Variants in THSD4 observed in about 807,000 individuals in gnomAD.
THSD4 encodes the protein thrombospondin type 1 domain containing 4.
Under a neutral mutation model 119.0 loss-of-function variants are expected in THSD4, and 69 were observed. The observed-to-expected ratio is 0.58, with a 90% CI of 0.48 to 0.71. The LOEUF is 0.71. Ranked by LOEUF, THSD4 falls within the 30% of genes least tolerant of loss-of-function variation. THSD4 has a pLI of 0.00. For synonymous variants in THSD4, 524 were observed against 540.4 expected, an observed-to-expected ratio of 0.97 and a Z score of 0.42; for missense variants, 1,393 against 1,391.1, an observed-to-expected ratio of 1.00 and a Z score of -0.02.
At chr15:71,717,474 TAAGAC>T (rs1229636911) in intron 8 of THSD4, among the ~76,000 whole-genome samples, 1 of 150,794 alleles carries the variant, frequency 6.6e-6, no homozygotes, top group Non-Finnish European at 1.5e-5. Context: ...AAGGGAAAAA[TAAGAC>T]AAGACAGGTG....
chr15:71,673,900 G>A (rs2051585086), intron 8 of THSD4, among the ~76,000 whole-genome samples: 1 of 152,150 alleles, frequency 6.6e-6, no homozygotes, highest in Non-Finnish European at 1.5e-5. Context: ...GGGACTACAG[G>A]CGCCCACCAC....
intron 6 of THSD4, among the ~76,000 whole-genome samples, chr15:71,400,140 A>G (rs1264338124): frequency 6.6e-6 from 1 of 152,194 alleles, no homozygotes; most frequent in African/African-American, 2.4e-5. Context: ...TCTAAAGGAC[A>G]TTGCCTTTAG....
chr15:71,590,823 G>GA (rs906446308), intron 7 of THSD4, among the ~76,000 whole-genome samples: 1 of 151,814 alleles, frequency 6.6e-6, no homozygotes, highest in Non-Finnish European at 1.5e-5. Context: ...CTAACACGGT[G>GA]AAACCCTGTC....
chr15:71,542,459 A>T (rs1567028115), intron 7 of THSD4, among the ~76,000 whole-genome samples: 1 of 152,180 alleles, frequency 6.6e-6, no homozygotes, highest in Non-Finnish European at 1.5e-5. Context: ...GGTTAACATC[A>T]TCAGTGGTAA....
rs75348037 is a variant in THSD4 at position 71,572,573 on chromosome 15, C to T, written c.1153-87957C>T. On this transcript the variant is annotated intron_variant, in intron 7 of 17. Transcript: ENST00000261862. The stretch of plus-strand genomic sequence containing the variant: ...CAGGGAGAGGGGTGGGGAGCTCTGG[C>T]GCTGGGCATGTATCATGTCTACTAA... Among the ~76,000 whole-genome samples, 52 of 152,174 alleles carry T rather than the reference C, an allele frequency of 3.4e-4. No individual in the cohort carries two copies. In the East Asian group the frequency reaches 9.3e-3, roughly 27 times the overall value.
chr15:71,539,546 G>A (rs776271510), intron 7 of THSD4, among the ~76,000 whole-genome samples: 5 of 152,100 alleles, frequency 3.3e-5, no homozygotes, highest in African/African-American at 7.2e-5. Flanking sequence ...TTTTACATGG[G>A]ATGTGTGGTT....
At chr15:71,476,079 A>G (rs1335645231) in intron 7 of THSD4, among the ~76,000 whole-genome samples, 1 of 152,226 alleles carries the variant, frequency 6.6e-6, no homozygotes, top group Non-Finnish European at 1.5e-5. Flanking sequence ...TGGGGATTAA[A>G]TCATAGTGTT....
intron 6 of THSD4, among the ~76,000 whole-genome samples, chr15:71,322,241 T>A (rs1228504024): frequency 2.6e-5 from 4 of 152,136 alleles, no homozygotes; most frequent in Non-Finnish European, 5.9e-5. Flanking sequence ...AGGATTTCCA[T>A]GAGTTGAAGA....
chr15:71,343,415 C>A (rs2045608616), intron 6 of THSD4, among the ~76,000 whole-genome samples: 1 of 152,152 alleles, frequency 6.6e-6, no homozygotes, highest in South Asian at 2.1e-4. Context: ...TTTAAAACAA[C>A]AAAAATTATT....
chr15:71,641,632 T>C (rs1463199546), intron 7 of THSD4, among the ~76,000 whole-genome samples: 1 of 152,206 alleles, frequency 6.6e-6, no homozygotes, highest in Non-Finnish European at 1.5e-5. Flanking sequence ...CATTACTGTT[T>C]GGCATCATTT....
chr15:71,726,722 G>A (rs1228533725), intron 8 of THSD4, among the ~76,000 whole-genome samples: 1 of 152,134 alleles, frequency 6.6e-6, no homozygotes, highest in Non-Finnish European at 1.5e-5. Context: ...CGGATCATCT[G>A]AGGTCAGGAG....
In THSD4 at chr15:71,742,051, AC is replaced by A. The variant is rs546710908; in HGVS notation, c.1907-3053del. Among the ~76,000 whole-genome samples, 708 of 152,304 alleles carry A rather than the reference AC, an allele frequency of 4.6e-3. 2 individuals carry two copies. Among genetic ancestry groups the A allele is most frequent in the Non-Finnish European group, 7.7e-3 (525 of 68,030 alleles). On this transcript the variant is annotated intron_variant, in intron 11 of 17. Transcript: ENST00000261862. ...TGGTCGTCAGCAGTCATGGCAAGTG[AC>A]CAGGAAATCCCAAGCCTCCCGGCAT...
At chr15:71,127,882 G>C (rs2040468692) in intron 1 of THSD4, among the ~76,000 whole-genome samples, 2 of 152,034 alleles carry the variant, frequency 1.3e-5, no homozygotes, top group Non-Finnish European at 2.9e-5. Context: ...TTACACTATT[G>C]TTTCCTTTGC....
chr15:71,437,224 A>G (rs1007402222), intron 7 of THSD4, among the ~76,000 whole-genome samples: 8 of 152,186 alleles, frequency 5.3e-5, no homozygotes, highest in Non-Finnish European at 8.8e-5. Flanking sequence ...ACTCATCACC[A>G]AGGATATGGT....
intron 6 of THSD4, among the ~76,000 whole-genome samples, chr15:71,367,209 T>A (rs571763057): frequency 6.9e-6 from 1 of 144,772 alleles, no homozygotes; most frequent in Non-Finnish European, 1.5e-5. Flanking sequence ...TACCTCATGC[T>A]AGGCTCTCTT....
At position 71,771,102 on chromosome 15, in the gene THSD4, A is replaced by G; in HGVS notation, c.2808A>G (p.Glu936=). Reference sequence around the variant, plus strand: ...GCCAGGGTGGCTTTCGGGTCCGGGAAGTGCGGTGTCTGTCTGATGACATGA... The same window carrying G: ...GCCAGGGTGGCTTTCGGGTCCGGGAGGTGCGGTGTCTGTCTGATGACATGA... ...KSCQGGFRVR[E]VRCLSDDMTL... Residue 936 remains glutamate (E), a synonymous_variant, in exon 17 of 18, where the codon GAA becomes GAG. Coordinates refer to ENST00000261862, the MANE Select transcript of THSD4 (RefSeq NM_024817.3). 1.9e-6 allele frequency: 3 copies of G among 1,614,174 alleles called. No individual in the cohort carries two copies. The highest frequency in any genetic ancestry group is 2.2e-5 in the South Asian group (2 of 91,076).
chr15:71,739,269 T>A (rs1595906130), intron 11 of THSD4, among the ~76,000 whole-genome samples: 2 of 151,976 alleles, frequency 1.3e-5, no homozygotes, highest in East Asian at 3.9e-4. Flanking sequence ...CCCAACAAAG[T>A]CAGCTTTATT....
chr15:71,479,084 ATT>A (rs59172567), intron 7 of THSD4, among the ~76,000 whole-genome samples: 1 of 126,902 alleles, frequency 7.9e-6, no homozygotes, highest in Non-Finnish European at 1.6e-5. Context: ...GGCAGAGTGT[ATT>A]TTTTTTTTTT....
chr15:71,334,826 G>T (rs1444482523), intron 6 of THSD4, among the ~76,000 whole-genome samples: 1 of 152,226 alleles, frequency 6.6e-6, no homozygotes, highest in Non-Finnish European at 1.5e-5. Context: ...TTCACTGGAA[G>T]AAGGAAGATG....
Sources: allele counts gnomAD v4.1 joint callset (sites outside exome capture counted in the v4.1 genomes callset), GRCh38; gene constraint gnomAD v4.1.1; transcripts MANE v1.5; gene names NCBI Gene and HGNC (gene_info 2026-07-23, HGNC 2026-07-21).